B4GALT6: variants seen among roughly 807,000 people sequenced by gnomAD.
B4GALT6 encodes the protein UDP-Gal:beta-GlcNAc beta-1,4-galactosyltransferase 6.
Under a neutral mutation model 46.3 loss-of-function variants are expected in B4GALT6, and 14 were observed. The observed-to-expected ratio is 0.30, with a 90% confidence interval of 0.20 to 0.47. The LOEUF (loss-of-function observed/expected upper bound fraction) is 0.47. B4GALT6 is among the 20% of genes least tolerant of loss of function. The pLI, the probability that B4GALT6 is intolerant of heterozygous loss-of-function variation, is 0.99. For synonymous variants in B4GALT6, 168 were observed against 162.0 expected (o/e 1.04, Z -0.28); for missense variants, 386 against 480.1 (o/e 0.80, Z 1.83).
intron 1 of B4GALT6, among the ~76,000 whole-genome samples, chr18:31,673,371 G>A (rs570720743): frequency 6.6e-6 from 1 of 152,306 alleles, no homozygotes; most frequent in South Asian, 2.1e-4. Flanking sequence ...AGGTTAAGAA[G>A]GCGTGGTCTG....
In B4GALT6 at chr18:31,626,846, T is replaced by A. The variant is rs551939090; in HGVS notation, c.899+153A>T. On this transcript the variant is annotated intron_variant, in intron 7 of 8. Transcript: ENST00000306851. ...CAATAATTTCAGAAAGCAGACTTAA[T>A]GAAAAAAAAAGAGAAATATAAAACA... 9.4e-5 allele frequency: 58 copies of A among 618,648 alleles called. No homozygotes were observed. In the African/African-American group the frequency reaches 1.0e-3, roughly 11 times the overall value. 38.3% of individuals were successfully genotyped at this position (618,648 alleles called of 1,614,324 possible).
At chr18:31,680,254 G>T (rs1567985091) in intron 1 of B4GALT6, among the ~76,000 whole-genome samples, 2 of 152,182 alleles carry the variant, frequency 1.3e-5, no homozygotes, top group Non-Finnish European at 2.9e-5. Flanking sequence ...ACTTGCCAGG[G>T]CCAGGAGGCT....
chr18:31,722,961 TACA>T, the B4GALT6 span, among the ~76,000 whole-genome samples: 1 of 152,210 alleles, frequency 6.6e-6, no homozygotes, highest in African/African-American at 2.4e-5. Context: ...ATAAATGAAT[TACA>T]TACTAATCAT....
chr18:31,680,955 C>T (rs2074473085), intron 1 of B4GALT6, among the ~76,000 whole-genome samples: 1 of 152,230 alleles, frequency 6.6e-6, no homozygotes, highest in African/African-American at 2.4e-5. Flanking sequence ...CCAGATAAAT[C>T]TCATCCATTA....
chr18:31,631,217 T>TC, intron 5 of B4GALT6, 71 bp from the exon 6 acceptor site: 8 of 1,294,506 alleles, frequency 6.2e-6, no homozygotes, highest in Admixed American at 2.8e-5. Context: ...TTTTTTTTTC[T>TC]TTTTTTTGGT....
At chr18:31,688,261 A>ATATATATATATATATATATACG (rs199674404), upstream of B4GALT6, among the ~76,000 whole-genome samples, 1 of 146,822 alleles carries the variant, frequency 6.8e-6, no homozygotes, top group African/African-American at 2.6e-5. Context: ...ATATATATAC[A>ATATATATATATATATATATACG]TATATATATA....
the B4GALT6 span, among the ~76,000 whole-genome samples, chr18:31,697,582 G>A: frequency 6.6e-6 from 1 of 152,114 alleles, no homozygotes; most frequent in South Asian, 2.1e-4. Flanking sequence ...GGTTAGTTTA[G>A]GGGGAACTAT....
chr18:31,645,467 T>G lies in B4GALT6; in HGVS notation c.359A>C (p.Asn120Thr). The change falls in exon 4 of 9, where the codon AAT (asparagine) becomes ACT (threonine). Residue 120 changes from asparagine (N) to threonine (T), a missense_variant. By Grantham distance (65) the Asn-to-Thr change is moderately conservative. This residue lies in a region of B4GALT6 where 323 missense variants were observed against 438.9 expected (regional missense o/e 0.74). Coordinates refer to ENST00000306851, the MANE Select transcript of B4GALT6 (RefSeq NM_004775.5). ...AAAACTGACTTCGCTTACATTGACATTGAGGAATCCTCCTACAAATTAAAA... is the reference window on the plus strand; with the variant it reads ...AAAACTGACTTCGCTTACATTGACAGTGAGGAATCCTCCTACAAATTAAAA... ...EKLPYMRGFLNVNVSEVSFDE... is the reference protein window; with the variant it reads ...EKLPYMRGFLTVNVSEVSFDE... 1 of 1,608,838 alleles carries G rather than the reference T, an allele frequency of 6.2e-7. No homozygotes were observed.
intron 1 of B4GALT6, among the ~76,000 whole-genome samples, chr18:31,671,344 C>T (rs1438087854): frequency 6.6e-6 from 1 of 152,214 alleles, no homozygotes; most frequent in African/African-American, 2.4e-5. Context: ...AATGGTTGAA[C>T]TAATTTACCC....
At chr18:31,669,786 G>A (rs1472410296) in intron 1 of B4GALT6, among the ~76,000 whole-genome samples, 1 of 152,170 alleles carries the variant, frequency 6.6e-6, no homozygotes, top group Non-Finnish European at 1.5e-5. Flanking sequence ...CTGGTTTGCA[G>A]CACCTTGGAT....
At chr18:31,714,490 G>A in the B4GALT6 span, among the ~76,000 whole-genome samples, 1 of 152,174 alleles carries the variant, frequency 6.6e-6, no homozygotes, top group Non-Finnish European at 1.5e-5. Context: ...GCAAGCCTGG[G>A]AAGAAGGCAA....
At chr18:31,658,188 T>C (rs746456233) in intron 2 of B4GALT6, 99 bp from the exon 3 acceptor site, 1 of 807,646 alleles carries the variant, frequency 1.2e-6, no homozygotes, top group African/African-American at 1.8e-5. Flanking sequence ...AACTACAATA[T>C]ACAATCTACA....
chr18:31,633,279 G>A (rs906996679), intron 5 of B4GALT6, among the ~76,000 whole-genome samples: 2 of 152,014 alleles, frequency 1.3e-5, no homozygotes, highest in African/African-American at 4.8e-5. Context: ...GCAGGTGGAC[G>A]TCGAGAGGAA....
chr18:31,714,996 T>C, the B4GALT6 span, among the ~76,000 whole-genome samples: 1 of 152,166 alleles, frequency 6.6e-6, no homozygotes, highest in Non-Finnish European at 1.5e-5. Flanking sequence ...AGATAAACAA[T>C]GAATTTGTTT....
intron 3 of B4GALT6, among the ~76,000 whole-genome samples, chr18:31,645,989 C>A (rs1027954582): frequency 2.6e-5 from 4 of 152,194 alleles, no homozygotes; most frequent in Non-Finnish European, 4.4e-5. Flanking sequence ...GTAAAAAGGA[C>A]AGTGATGTCT....
the B4GALT6 span, among the ~76,000 whole-genome samples, chr18:31,703,716 T>C: frequency 2.0e-5 from 3 of 152,202 alleles, no homozygotes; most frequent in Admixed American, 6.5e-5. Flanking sequence ...TTTGAGCATG[T>C]CTGGGGAGCT....
chr18:31,656,668 A>G (rs2074144074), intron 3 of B4GALT6, among the ~76,000 whole-genome samples: 1 of 152,174 alleles, frequency 6.6e-6, no homozygotes, highest in Admixed American at 6.5e-5. Flanking sequence ...ACCAAAAAAA[A>G]GCAAAACACC....
At chr18:31,719,094 C>G in the B4GALT6 span, 1 of 152,214 alleles carries the variant, frequency 6.6e-6, no homozygotes, top group Non-Finnish European at 1.5e-5. Flanking sequence ...ATACAAATAG[C>G]TGCACTCCCC....
chr18:31,631,580 T>C (rs190786835), intron 5 of B4GALT6, among the ~76,000 whole-genome samples: 8 of 152,122 alleles, frequency 5.3e-5, no homozygotes, highest in African/African-American at 1.9e-4. Flanking sequence ...TCTGCTCTAC[T>C]TCAAATACAT....
Sources: gnomAD v4.1 joint callset for allele counts (sites outside exome capture counted in the v4.1 genomes callset) on GRCh38, gnomAD v4.1.1 for gene constraint, gnomAD v4.1.1 regional missense constraint, MANE v1.5 for transcripts, NCBI Gene and HGNC (gene_info 2026-07-23, HGNC 2026-07-21) for gene names.